Variants in DCUN1D4 observed in about 807,000 individuals in gnomAD.
DCUN1D4 encodes defective in cullin neddylation 1 domain containing 4.
A neutral mutation model predicts 47.9 loss-of-function variants in DCUN1D4; 22 were observed. That is an observed-to-expected ratio of 0.46 (90% CI 0.33 to 0.66). DCUN1D4 has a LOEUF of 0.66. Ranked by LOEUF, DCUN1D4 falls within the 30% of genes least tolerant of loss-of-function variation. DCUN1D4 has a pLI of 0.02. For synonymous variants in DCUN1D4, 121 were observed against 112.2 expected (o/e 1.08, Z -0.50); for missense variants, 301 against 340.8 (o/e 0.88, Z 0.92).
At chr4:51,844,319 G>GC (rs1469043189) in intron 1 of DCUN1D4, 1 of 984,026 alleles carries the variant, frequency 1.0e-6, no homozygotes, top group African/African-American at 1.8e-5. Context: ...AGAGGAGGGG[G>GC]CGGGGCTGAG....
chr4:51,890,054 T>G (rs1730171979), intron 6 of DCUN1D4, among the ~76,000 whole-genome samples: 1 of 149,752 alleles, frequency 6.7e-6, no homozygotes, highest in African/African-American at 2.5e-5. Flanking sequence ...AGGAAAACCA[T>G]AAAGTCAGCA....
intron 8 of DCUN1D4, among the ~76,000 whole-genome samples, chr4:51,904,481 AT>A (rs1732575274): frequency 1.3e-5 from 2 of 152,180 alleles, no homozygotes; most frequent in Non-Finnish European, 1.5e-5. Context: ...GGCTGCATAA[AT>A]TATAGTTATC....
chr4:51,853,755 T>C (rs1488567371), intron 1 of DCUN1D4, among the ~76,000 whole-genome samples: 2 of 152,230 alleles, frequency 1.3e-5, no homozygotes, highest in Non-Finnish European at 2.9e-5. Context: ...AATGGTTTCA[T>C]TTAAATATTA....
intron 9 of DCUN1D4, among the ~76,000 whole-genome samples, 197 bp from the exon 10 acceptor site, chr4:51,913,092 AT>A (rs1400351508): frequency 6.6e-6 from 1 of 152,138 alleles, no homozygotes; most frequent in African/African-American, 2.4e-5. Context: ...ACCCTGTCAT[AT>A]TTTTGTAATG....
intron 1 of DCUN1D4, among the ~76,000 whole-genome samples, chr4:51,859,955 C>T (rs1022740486): frequency 5.3e-5 from 8 of 152,160 alleles, no homozygotes; most frequent in African/African-American, 9.6e-5. Context: ...AATACGTTCT[C>T]GGTAAAGCAT....
At chr4:51,884,093 A>G (rs1448818432) in intron 5 of DCUN1D4, among the ~76,000 whole-genome samples, 1 of 151,926 alleles carries the variant, frequency 6.6e-6, no homozygotes, top group Non-Finnish European at 1.5e-5. Context: ...ATTTGAATAT[A>G]TGAAGTAAAA....
intron 4 of DCUN1D4, 59 bp downstream of exon 4, chr4:51,874,444 C>T: frequency 7.8e-7 from 1 of 1,286,872 alleles, no homozygotes; most frequent in Non-Finnish European, 1.1e-6. Flanking sequence ...ATGCACATTT[C>T]TACCTAATTC....
At chr4:51,834,114 C>CTTTTTTTTTTTT in the DCUN1D4 span, among the ~76,000 whole-genome samples, 8 of 37,198 alleles carry the variant, frequency 2.2e-4, 2 homozygotes, top group African/African-American at 8.5e-4. Context: ...TTTTTTTTTT[C>CTTTTTTTTTTTT]TTTTTTTTTT....
chr4:51,890,861 C>T (rs577175270), intron 6 of DCUN1D4, among the ~76,000 whole-genome samples: 3 of 152,312 alleles, frequency 2.0e-5, no homozygotes, highest in Admixed American at 1.3e-4. Flanking sequence ...GCTATCTTTT[C>T]TCTAAAATAG....
intron 7 of DCUN1D4, among the ~76,000 whole-genome samples, chr4:51,897,324 G>A (rs1731421416): frequency 1.3e-5 from 2 of 152,244 alleles, no homozygotes; most frequent in Middle Eastern, 6.8e-3. Context: ...TTTGTAGTTA[G>A]GTACAAAGAA....
rs1280795135 is a variant in DCUN1D4, at chr4:51,847,617, TC to T, written c.25+4351del. Among the ~76,000 whole-genome samples, 5 of 151,812 alleles carry T rather than the reference TC, an allele frequency of 3.3e-5. No homozygotes were observed. The East Asian group carries it at 9.7e-4, about 29-fold the overall frequency. ...TAATAACCAGCAATACATTTTTCTTTCTTTTTTGTTTTTTTTTTTTTAGAGG... is the reference window on the plus strand; with the variant it reads ...TAATAACCAGCAATACATTTTTCTTTTTTTTTGTTTTTTTTTTTTTAGAGG... On this transcript the variant is annotated intron_variant, in intron 1 of 10. Transcript: ENST00000334635.
intron 3 of DCUN1D4, among the ~76,000 whole-genome samples, chr4:51,871,132 T>TA (rs397954672): frequency 0.4 from 55,976 of 139,258 alleles, 13,533 homozygotes; most frequent in African/African-American, 0.71. Context: ...GTGGAGAGAT[T>TA]AAAAAAAAAA....
At chr4:51,871,867 C>A (rs1726948261) in intron 3 of DCUN1D4, among the ~76,000 whole-genome samples, 1 of 152,188 alleles carries the variant, frequency 6.6e-6, no homozygotes, top group South Asian at 2.1e-4. Context: ...TGTTTGTGAA[C>A]CAGGGCAGCA....
chr4:51,887,205 AT>A (rs1729637273), intron 6 of DCUN1D4: 1 of 421,686 alleles, frequency 2.4e-6, no homozygotes, highest in Non-Finnish European at 4.7e-6. Flanking sequence ...GGTTGAAGCG[AT>A]TTCCCCTGCC....
intron 6 of DCUN1D4, among the ~76,000 whole-genome samples, chr4:51,890,393 C>T (rs371595566): frequency 6.6e-6 from 1 of 152,116 alleles, no homozygotes; most frequent in African/African-American, 2.4e-5. Flanking sequence ...TTAGGCTCTA[C>T]GTAAAGAGAT....
At chr4:51,888,379 C>G (rs909867172) in intron 6 of DCUN1D4, among the ~76,000 whole-genome samples, 7 of 152,212 alleles carry the variant, frequency 4.6e-5, no homozygotes, top group African/African-American at 1.7e-4. Flanking sequence ...GTTTCCTCAC[C>G]CCCAAATACC....
intron 1 of DCUN1D4, among the ~76,000 whole-genome samples, chr4:51,857,512 G>A (rs187028700): frequency 2.6e-5 from 4 of 152,318 alleles, no homozygotes; most frequent in African/African-American, 9.6e-5. Context: ...ATGTTTTCCT[G>A]TACAGAGTTT....
chr4:51,878,668 A>G (rs2110001590), intron 5 of DCUN1D4, among the ~76,000 whole-genome samples: 1 of 152,324 alleles, frequency 6.6e-6, no homozygotes, highest in East Asian at 1.9e-4. Context: ...AATCCCTGCT[A>G]TCTGCAGGAT....
At chr4:51,899,446 G>A in intron 8 of DCUN1D4, 68 bp downstream of exon 8, 1 of 1,511,514 alleles carries the variant, frequency 6.6e-7, no homozygotes, top group Non-Finnish European at 8.8e-7. Context: ...GCCTTTTGAG[G>A]TTAGTTTTTA....
Sources: gnomAD v4.1 joint callset for allele counts (sites outside exome capture counted in the v4.1 genomes callset) on GRCh38, gnomAD v4.1.1 for gene constraint, MANE v1.5 for transcripts, NCBI Gene and HGNC (gene_info 2026-07-23, HGNC 2026-07-21) for gene names.